Variants in SLC3A1 observed in about 807,000 individuals in gnomAD.
SLC3A1 encodes amino acid transporter heavy chain SLC3A1.
Under a neutral mutation model 60.3 loss-of-function variants are expected in SLC3A1, and 78 were observed. The observed-to-expected ratio is 1.29, with a 90% CI of 1.08 to 1.56. SLC3A1 has a LOEUF of 1.56. Among genes scored for constraint, SLC3A1 ranks in the 40% most tolerant of loss-of-function variants. The pLI is 0.00. For synonymous variants in SLC3A1, 392 were observed against 307.9 expected (o/e 1.27, Z -2.86); for missense variants, 1,172 against 858.9 (o/e 1.36, Z -4.56).
rs1343202116 is a variant in SLC3A1 at position 44,321,303 on chromosome 2, T to A, written c.*664T>A. On this transcript the variant is annotated 3_prime_UTR_variant, in exon 10 of 10. Transcript: ENST00000260649. Reference sequence around the variant, plus strand: ...TTTTTTTTGCTAACTCAATTGGAAGTAAGACTATGAAATATTTCAGTGTGT... The same window carrying A: ...TTTTTTTTGCTAACTCAATTGGAAGAAAGACTATGAAATATTTCAGTGTGT... The A allele has an allele frequency of 1.4e-6, 2 of 1,407,212 alleles. No individual in the cohort carries two copies. Among genetic ancestry groups the A allele is most frequent in the African/African-American group, 1.4e-5 (1 of 69,960 alleles). The allele number at this position is 1,407,212 out of a possible 1,614,324, so 87.2% of individuals were successfully genotyped here.
intron 4 of SLC3A1, among the ~76,000 whole-genome samples, chr2:44,298,117 T>A (rs540269014): frequency 6.6e-6 from 1 of 152,236 alleles, no homozygotes; most frequent in Non-Finnish European, 1.5e-5. Flanking sequence ...CTGGGTCTTA[T>A]GGTAACTTGA....
Position 44,301,049 on chromosome 2 carries a change from C to A in SLC3A1, c.1058C>A (p.Thr353Lys). 6.2e-7 allele frequency: 1 copy of A among 1,614,068 alleles called. No individual in the cohort carries two copies. The highest frequency in any genetic ancestry group is 8.5e-7 in the Non-Finnish European group (1 of 1,179,932). ...YSELYHDFTTTQVGMHDIVRS... is the reference protein window; with the variant it reads ...YSELYHDFTTKQVGMHDIVRS... ...GAGCTGTACCATGACTTCACCACCA[C>A]GCAGGTGGGAATGCACGACATTGTC... Residue 353 changes from threonine (T) to lysine (K), a missense_variant, in exon 6 of 10, where the codon ACG (threonine) becomes AAG (lysine). Coordinates refer to ENST00000260649, the MANE Select transcript of SLC3A1 (RefSeq NM_000341.4).
At chr2:44,281,573 G>C (rs755689545) in intron 3 of SLC3A1, 32 bp downstream of exon 3, 2 of 1,604,536 alleles carry the variant, frequency 1.2e-6, no homozygotes, top group African/African-American at 2.7e-5. Context: ...TTACAAAGGG[G>C]TAAAAGGCAG....
chr2:44,321,129 G>A lies in SLC3A1; in HGVS notation c.*490G>A. On this transcript the variant is annotated 3_prime_UTR_variant, in exon 10 of 10. Coordinates refer to ENST00000260649, the MANE Select transcript of SLC3A1 (RefSeq NM_000341.4). ...CCTCTACTCCACATCCTTCTAAGGA[G>A]CATGATTTGAAAATTACTTTCCTAG... 1 of 510,072 alleles carries A rather than the reference G, an allele frequency of 2.0e-6. No homozygotes were observed. The highest frequency in any genetic ancestry group is 3.5e-6 in the Non-Finnish European group (1 of 281,784). 31.6% of individuals were successfully genotyped at this position (510,072 alleles called of 1,614,324 possible).
At chr2:44,286,233 A>C in intron 4 of SLC3A1, 76 bp downstream of exon 4, 3 of 1,420,710 alleles carry the variant, frequency 2.1e-6, no homozygotes. Flanking sequence ...TATATTGCAC[A>C]GTAATTGTGT....
chr2:44,314,434 C>G (rs1041263132), intron 9 of SLC3A1: 1 of 199,170 alleles, frequency 5.0e-6, no homozygotes, highest in Non-Finnish European at 1.0e-5. Flanking sequence ...CATACTAATA[C>G]AACTTTGGCT....
chr2:44,288,625 C>A (rs184986104), intron 4 of SLC3A1, among the ~76,000 whole-genome samples: 3 of 152,108 alleles, frequency 2.0e-5, no homozygotes, highest in Admixed American at 6.6e-5. Context: ...AATGGGTAAG[C>A]GTTCTAATTT....
intron 3 of SLC3A1, 179 bp from the exon 4 acceptor site, chr2:44,285,853 C>A: frequency 1.3e-6 from 1 of 765,324 alleles, no homozygotes; most frequent in Non-Finnish European, 2.4e-6. Context: ...GTTTGTGAGG[C>A]ATTAGGCCAA....
At chr2:44,314,120 G>C (rs913713500) in intron 9 of SLC3A1, 169 bp downstream of exon 9, 4 of 1,481,276 alleles carry the variant, frequency 2.7e-6, no homozygotes, top group Non-Finnish European at 2.7e-6. Context: ...TCATGCCTTT[G>C]TGAAAATACA....
At chr2:44,289,272 G>A (rs180838657) in intron 4 of SLC3A1, among the ~76,000 whole-genome samples, 27 of 151,162 alleles carry the variant, frequency 1.8e-4, no homozygotes, top group Admixed American at 6.6e-4. Flanking sequence ...GTGCAGTGGC[G>A]TGATCTCGGC....
chr2:44,310,835 G>T (rs1337958886), intron 7 of SLC3A1, among the ~76,000 whole-genome samples: 1 of 151,004 alleles, frequency 6.6e-6, no homozygotes. Flanking sequence ...GTTTTGCTCT[G>T]TTGCCCAGGC....
chr2:44,300,034 C>T lies in SLC3A1; in HGVS notation c.955C>T (p.Leu319Phe), dbSNP rs1344594146. Residue 319 changes from leucine to phenylalanine, a missense_variant, in exon 5 of 10, where the codon CTC becomes TTC. Transcript: ENST00000260649. ...TTTTAGTTTGGATGCTGTTAAATTCCTCCTAGAAGCAAAGCACCTGAGAGA... is the reference window on the plus strand; with the variant it reads ...TTTTAGTTTGGATGCTGTTAAATTCTTCCTAGAAGCAAAGCACCTGAGAGA... ...DGFSLDAVKF[L>F]LEAKHLRDEI... The T allele has an allele frequency of 6.2e-7, 1 of 1,613,742 alleles. No homozygotes were observed. Among genetic ancestry groups the T allele is most frequent in the East Asian group, 2.2e-5 (1 of 44,862 alleles).
At chr2:44,288,270 C>A (rs539538889) in intron 4 of SLC3A1, among the ~76,000 whole-genome samples, 2 of 152,286 alleles carry the variant, frequency 1.3e-5, no homozygotes, top group Admixed American at 6.5e-5. Context: ...AAATGATCCA[C>A]CCGTCTCAGC....
chr2:44,317,589 A>G (rs1205120390), intron 9 of SLC3A1: 3 of 152,530 alleles, frequency 2.0e-5, no homozygotes, highest in African/African-American at 7.2e-5. Flanking sequence ...GCATTGTTCT[A>G]GACATTGAGA....
chr2:44,313,288 G>GT, intron 8 of SLC3A1, among the ~76,000 whole-genome samples: 1 of 152,088 alleles, frequency 6.6e-6, no homozygotes, highest in East Asian at 1.9e-4. Flanking sequence ...GTGTTGCTGG[G>GT]TAGACGACTA....
At chr2:44,321,959 C>G (rs184979501), downstream of SLC3A1, 174 of 1,511,006 alleles carry the variant, frequency 1.2e-4, no homozygotes, top group Non-Finnish European at 1.4e-4. Flanking sequence ...TTTGGAAGAT[C>G]GAGACCCATT....
intron 6 of SLC3A1, chr2:44,303,922 A>T (rs1672083555): frequency 1.6e-6 from 1 of 619,962 alleles, no homozygotes; most frequent in Admixed American, 2.6e-5. Context: ...ATCCTTTTTT[A>T]TGGCTGCATA....
chr2:44,296,174 C>A (rs1398638080), intron 4 of SLC3A1, among the ~76,000 whole-genome samples: 2 of 152,194 alleles, frequency 1.3e-5, no homozygotes, highest in South Asian at 4.1e-4. Flanking sequence ...ATGGCTGTCA[C>A]TTCCTGTTTG....
At chr2:44,307,858 GTTGTTAC>G (rs1672196645) in intron 7 of SLC3A1, among the ~76,000 whole-genome samples, 1 of 152,104 alleles carries the variant, frequency 6.6e-6, no homozygotes, top group African/African-American at 2.4e-5. Flanking sequence ...TTTTGTTGTT[GTTGTTAC>G]TTGTACTTTT....
Sources: gnomAD v4.1 joint callset for allele counts (sites outside exome capture counted in the v4.1 genomes callset) on GRCh38, gnomAD v4.1.1 for gene constraint, MANE v1.5 for transcripts, NCBI Gene and HGNC (gene_info 2026-07-23, HGNC 2026-07-21) for gene names.